ITIH5: variants seen among roughly 807,000 people sequenced by gnomAD.
The protein encoded by ITIH5 is inter-alpha-trypsin inhibitor heavy chain H5.
Under a neutral mutation model 77.5 loss-of-function variants are expected in ITIH5, and 65 were observed. The observed-to-expected ratio is 0.84, with a 90% CI of 0.69 to 1.03. ITIH5 has a LOEUF of 1.03. Ranked by LOEUF, ITIH5 falls within the 50% of genes least tolerant of loss-of-function variation. ITIH5 has a pLI of 0.00. For synonymous variants in ITIH5, 525 were observed against 494.3 expected, an observed-to-expected ratio of 1.06 and a Z score of -0.82; for missense variants, 1,208 against 1,213.1, an observed-to-expected ratio of 1.00 and a Z score of 0.06.
chr10:7,643,118 C>A (rs141913786), intron 2 of ITIH5, among the ~76,000 whole-genome samples: 1 of 152,268 alleles, frequency 6.6e-6, no homozygotes, highest in African/African-American at 2.4e-5. Context: ...TCTCTCTCTC[C>A]ATGTGTGTGC....
chr10:7,608,009 G>C (rs1050169435), intron 7 of ITIH5, among the ~76,000 whole-genome samples: 1 of 152,142 alleles, frequency 6.6e-6, no homozygotes, highest in Non-Finnish European at 1.5e-5. Flanking sequence ...GGCAAAGCAG[G>C]TGGACCCGAC....
chr10:7,579,085 T>C (rs7894539), intron 9 of ITIH5, among the ~76,000 whole-genome samples: 147,952 of 152,362 alleles, frequency 0.97, 71,944 homozygotes, highest in Non-Finnish European at 1. Context: ...CAATGAACTA[T>C]GAGAGCTCAT....
Position 7,562,799 on chromosome 10 carries a change from T to C in ITIH5, c.*284A>G. 1 of 444,058 alleles carries C rather than the reference T, an allele frequency of 2.3e-6. No individual in the cohort carries two copies. The highest frequency in any genetic ancestry group is 4.1e-6 in the Non-Finnish European group (1 of 242,410). 27.5% of individuals were successfully genotyped at this position (444,058 alleles called of 1,614,324 possible). ...AGGTTGGGACAAGATACAGACTTTG[T>C]TGCATTTAGCTATGACCCTTCTCTC... On this transcript the variant is annotated 3_prime_UTR_variant, in exon 14 of 14. Transcript: ENST00000397146.
chr10:7,582,658 A>G (rs1264907109), intron 8 of ITIH5, among the ~76,000 whole-genome samples: 3 of 152,196 alleles, frequency 2.0e-5, no homozygotes, highest in Non-Finnish European at 4.4e-5. Flanking sequence ...TTCAGCCACA[A>G]AAAAGAATGA....
intron 7 of ITIH5, among the ~76,000 whole-genome samples, chr10:7,594,049 C>T (rs1265000445): frequency 3.3e-5 from 5 of 152,208 alleles, no homozygotes; most frequent in Non-Finnish European, 5.9e-5. Context: ...ATGCTGAAGA[C>T]GAACTGAAAT....
rs1564277527 is a variant in ITIH5 at position 7,644,564 on chromosome 10, A to ATGTGATATATCACATATATG, written c.136-2475_136-2474insCATATATGTGATATATCACA. ...CATATATATGATATATCACATATAT[A>ATGTGATATATCACATATATG]TGATATATATCACATATATCACATA... is the stretch of plus-strand genomic sequence containing the variant. On this transcript the variant is annotated intron_variant, in intron 2 of 13. Transcript: ENST00000397146. Among the ~76,000 whole-genome samples the ATGTGATATATCACATATATG allele has an allele frequency of 1.3e-4, 17 of 135,772 alleles. 1 individual carries two copies. The highest frequency in any genetic ancestry group is 4.8e-4 in the African/African-American group (17 of 35,656). The allele number at this position is 135,772 out of a possible 152,430, so 89.1% of individuals were successfully genotyped here.
intron 2 of ITIH5, among the ~76,000 whole-genome samples, chr10:7,645,913 G>GT (rs922745822): frequency 1.3e-5 from 2 of 151,924 alleles, no homozygotes; most frequent in Non-Finnish European, 2.9e-5. Context: ...AACCTGTGGG[G>GT]TTTTTTTTAA....
At chr10:7,586,149 C>A (rs11255207) in intron 7 of ITIH5, 80 bp from the exon 8 acceptor site, 23 of 1,272,350 alleles carry the variant, frequency 1.8e-5, no homozygotes, top group Middle Eastern at 2.8e-4. Flanking sequence ...CCGCCCCCGC[C>A]CCCCAGGAAA....
chr10:7,559,560 A>G lies in ITIH5; in HGVS notation c.*3523T>C, dbSNP rs1029395213. On this transcript the variant is annotated 3_prime_UTR_variant, in exon 14 of 14. Coordinates refer to ENST00000397146, the MANE Select transcript of ITIH5 (RefSeq NM_030569.7). ...GAGTCCTTTAAATTTTAATAACAGC[A>G]TTGTTTGTGTACATTCTGGGAAGCT... 6.2e-5 allele frequency: 13 copies of G among 208,302 alleles called. No homozygotes were observed. The highest frequency in any genetic ancestry group is 9.6e-5 in the Non-Finnish European group (10 of 103,958). 12.9% of individuals were successfully genotyped at this position (208,302 alleles called of 1,614,324 possible). A position where few individuals can be genotyped will look rare whatever the true frequency, so the allele number is the denominator to read the frequency against.
At chr10:7,595,252 T>C (rs1361611258) in intron 7 of ITIH5, among the ~76,000 whole-genome samples, 3 of 151,992 alleles carry the variant, frequency 2.0e-5, no homozygotes, top group Non-Finnish European at 4.4e-5. Context: ...AAAATTAAAA[T>C]TGAAAAAATA....
intron 5 of ITIH5, chr10:7,618,496 CA>C (rs1189109369): frequency 6.6e-5 from 10 of 152,174 alleles, no homozygotes; most frequent in African/African-American, 2.2e-4. Context: ...TAAACCCAAA[CA>C]ACACCATATC....
At chr10:7,631,268 C>T (rs867947395) in intron 5 of ITIH5, among the ~76,000 whole-genome samples, 23 of 152,206 alleles carry the variant, frequency 1.5e-4, no homozygotes, top group Admixed American at 8.5e-4. Context: ...TGGATTCTAA[C>T]GGGCGGCAAA....
At chr10:7,628,651 T>G (rs1833629687) in intron 5 of ITIH5, among the ~76,000 whole-genome samples, 1 of 144,322 alleles carries the variant, frequency 6.9e-6, no homozygotes, top group Non-Finnish European at 1.5e-5. Flanking sequence ...TGTGTCCATG[T>G]TGTCTGGGTT....
intron 1 of ITIH5, 77 bp downstream of exon 1, chr10:7,666,726 C>A: frequency 1.6e-6 from 2 of 1,219,426 alleles, no homozygotes; most frequent in Non-Finnish European, 2.3e-6. Flanking sequence ...GGGGCCCGGG[C>A]AGAAGCTCCG....
chr10:7,653,331 C>A (rs1028765600), intron 2 of ITIH5, among the ~76,000 whole-genome samples: 1 of 152,040 alleles, frequency 6.6e-6, no homozygotes, highest in African/African-American at 2.4e-5. Context: ...CTCAGCCTCC[C>A]GAGTAGCTGG....
At chr10:7,604,145 C>A (rs1476155535) in intron 7 of ITIH5, among the ~76,000 whole-genome samples, 1 of 152,214 alleles carries the variant, frequency 6.6e-6, no homozygotes, top group African/African-American at 2.4e-5. Flanking sequence ...CACCTGCTCA[C>A]ATGCTTCCAG....
intron 7 of ITIH5, among the ~76,000 whole-genome samples, chr10:7,587,946 T>G (rs550787596): frequency 4.2e-4 from 64 of 152,314 alleles, no homozygotes; most frequent in Non-Finnish European, 6.8e-4. Context: ...ATCCTTTCCC[T>G]CTGGAATTTT....
At chr10:7,602,453 G>C (rs966778960) in intron 7 of ITIH5, among the ~76,000 whole-genome samples, 1 of 152,132 alleles carries the variant, frequency 6.6e-6, no homozygotes, top group Non-Finnish European at 1.5e-5. Flanking sequence ...TCATGGAGGC[G>C]GTTTCCCCCA....
rs199500673 is a variant in ITIH5, at chr10:7,606,333, CAA to C, written c.939+9647_939+9648del. Among the ~76,000 whole-genome samples the C allele has an allele frequency of 3.2e-3, 487 of 152,242 alleles. 3 individuals are homozygous for C. The highest frequency in any genetic ancestry group is 0.011 in the African/African-American group (462 of 41,544). Reference sequence around the variant, plus strand: ...TTTATGGCAGCACTGTTCTCAAGACCAAAGACATGGAATCAACCTAAATGACC... The same window carrying C: ...TTTATGGCAGCACTGTTCTCAAGACCAGACATGGAATCAACCTAAATGACC... On this transcript the variant is annotated intron_variant, in intron 7 of 13. Transcript: ENST00000397146.
Sources: allele counts gnomAD v4.1 joint callset (sites outside exome capture counted in the v4.1 genomes callset), GRCh38; gene constraint gnomAD v4.1.1; transcripts MANE v1.5; gene names NCBI Gene and HGNC (gene_info 2026-07-23, HGNC 2026-07-21).